Variants in MRRF observed in about 807,000 individuals in gnomAD.
MRRF encodes the protein ribosome-recycling factor, mitochondrial.
Under a neutral mutation model 25.1 loss-of-function variants are expected in MRRF, and 18 were observed. The observed-to-expected ratio is 0.72, with a 90% CI of 0.50 to 1.06. The LOEUF (loss-of-function observed/expected upper bound fraction) is 1.06. MRRF is among the 50% of genes least tolerant of loss of function. The pLI is 0.00. For missense variants in MRRF, 323 were observed against 319.3 expected, an observed-to-expected ratio of 1.01 and a Z score of -0.09; for synonymous variants, 113 against 112.1, an observed-to-expected ratio of 1.01 and a Z score of -0.05.
At chr9:122,291,249 A>T (rs1301915533) in intron 4 of MRRF, among the ~76,000 whole-genome samples, 1 of 152,232 alleles carries the variant, frequency 6.6e-6, no homozygotes. Context: ...ATACCAGCAG[A>T]GATTCATTGC....
intron 5 of MRRF, among the ~76,000 whole-genome samples, chr9:122,294,496 T>A (rs1833965508): frequency 6.6e-6 from 1 of 152,246 alleles, no homozygotes; most frequent in Admixed American, 6.5e-5. Context: ...AACCGTCTGC[T>A]CCTGCAAACC....
At chr9:122,284,540 G>T (rs1387814391) in intron 3 of MRRF, among the ~76,000 whole-genome samples, 1 of 152,178 alleles carries the variant, frequency 6.6e-6, no homozygotes, top group Non-Finnish European at 1.5e-5. Context: ...TTCATAGCAA[G>T]TAAATGACAG....
intron 4 of MRRF, among the ~76,000 whole-genome samples, chr9:122,287,060 A>G (rs1833460062): frequency 6.6e-6 from 1 of 152,158 alleles, no homozygotes; most frequent in African/African-American, 2.4e-5. Context: ...TGCTACTTAT[A>G]TTTTGGATCA....
intron 3 of MRRF, 52 bp from the exon 4 acceptor site, chr9:122,285,117 T>G: frequency 1.8e-6 from 2 of 1,122,486 alleles, no homozygotes; most frequent in African/African-American, 1.5e-5. Context: ...GACTTAGATT[T>G]GGGGCTACTA....
chr9:122,293,067 A>T lies in MRRF; in HGVS notation c.551+1227A>T, dbSNP rs142758666. Among the ~76,000 whole-genome samples the T allele has an allele frequency of 6.6e-5, 10 of 152,294 alleles. No homozygotes were observed. In the East Asian group the frequency reaches 1.9e-3, roughly 29 times the overall value. The stretch of plus-strand genomic sequence containing the variant: ...AGTTGCATAGGCACAGTAAATAAGT[A>T]CGTAATGGAATGTCAAGTGATAGTA... On this transcript the variant is annotated intron_variant, in intron 5 of 6. Coordinates refer to ENST00000344641, the MANE Select transcript of MRRF (RefSeq NM_138777.5).
chr9:122,302,884 A>G (rs975427000), intron 5 of MRRF, among the ~76,000 whole-genome samples: 1 of 152,144 alleles, frequency 6.6e-6, no homozygotes, highest in Non-Finnish European at 1.5e-5. Context: ...ACTTGTTATG[A>G]TTATCATCCT....
At chr9:122,274,243 T>C (rs1564472284) in intron 2 of MRRF, among the ~76,000 whole-genome samples, 2 of 152,238 alleles carry the variant, frequency 1.3e-5, no homozygotes, top group African/African-American at 4.8e-5. Context: ...CTTCAAATTA[T>C]ACCACAGAGC....
At position 122,271,063 on chromosome 9, in the gene MRRF, A is replaced by G. The variant is rs1436957164; in HGVS notation, c.172A>G (p.Lys58Glu). The change falls in exon 2 of 7, where the codon AAG (lysine) becomes GAG (glutamate). Residue 58 changes from lysine (K) to glutamate (E), a missense_variant. Lys to Glu is a moderately conservative substitution (Grantham distance 56). Transcript: ENST00000344641. ...TGTACCAGTCCGCCATTTTGCTACC[A>G]AGAAAGCCAAAGGTAGAGACATGTG... ...SAVPVRHFAT[K>E]KAKAKGKGQS... 2.5e-6 allele frequency: 4 copies of G among 1,614,148 alleles called. No individual in the cohort carries two copies. In the African/African-American group the frequency reaches 4.0e-5, roughly 16 times the overall value.
At chr9:122,280,704 T>C (rs1042878171) in intron 3 of MRRF, 106 bp downstream of exon 3, 2 of 1,065,570 alleles carry the variant, frequency 1.9e-6, no homozygotes, top group Non-Finnish European at 2.9e-6. Flanking sequence ...CTGGTGGCCA[T>C]GGGCAGTTAC....
chr9:122,285,732 A>T (rs1307696513), intron 4 of MRRF: 1 of 1,236,082 alleles, frequency 8.1e-7, no homozygotes, highest in Non-Finnish European at 1.0e-6. Context: ...TTTATGTGAC[A>T]TCTTTATTCT....
chr9:122,291,111 T>C (rs1319239042), intron 4 of MRRF, among the ~76,000 whole-genome samples: 2 of 152,260 alleles, frequency 1.3e-5, no homozygotes, highest in African/African-American at 2.4e-5. Flanking sequence ...TGATGAAATA[T>C]AGGTTCAGAG....
At position 122,327,140 on chromosome 9, in the gene MRRF, G is replaced by A. The variant is rs1406793873; in HGVS notation, c.*4523G>A. On this transcript the variant is annotated 3_prime_UTR_variant, in exon 7 of 7. Coordinates refer to ENST00000344641, the MANE Select transcript of MRRF (RefSeq NM_138777.5). ...TACCTGGCACATTGTAAACACCAAA[G>A]AAATGGTAGCTCTTATGGAGACAGT... 1.3e-5 allele frequency: 2 copies of A among 152,288 alleles called. No homozygotes were observed. Among genetic ancestry groups the A allele is most frequent in the East Asian group, 3.9e-4 (2 of 5,182 alleles). The allele number at this position is 152,288 out of a possible 1,614,324, so 9.4% of individuals were successfully genotyped here. A position where few individuals can be genotyped will look rare whatever the true frequency, so the allele number is the denominator to read the frequency against.
At chr9:122,297,748 G>C in intron 5 of MRRF, among the ~76,000 whole-genome samples, 1 of 152,188 alleles carries the variant, frequency 6.6e-6, no homozygotes, top group Non-Finnish European at 1.5e-5. Flanking sequence ...TCTTGCCCTT[G>C]ATTGAGTGCT....
chr9:122,284,035 A>G (rs1410793971), intron 3 of MRRF, among the ~76,000 whole-genome samples: 1 of 151,994 alleles, frequency 6.6e-6, no homozygotes, highest in Non-Finnish European at 1.5e-5. Context: ...AAGGGGATCT[A>G]AGTACCAAAA....
chr9:122,312,757 C>T (rs1220667934), intron 5 of MRRF, among the ~76,000 whole-genome samples: 2 of 152,230 alleles, frequency 1.3e-5, no homozygotes, highest in Admixed American at 1.3e-4. Flanking sequence ...TGTGATATGG[C>T]TTCCCAGCCT....
chr9:122,298,594 G>A (rs1834237171), intron 5 of MRRF, among the ~76,000 whole-genome samples: 1 of 152,140 alleles, frequency 6.6e-6, no homozygotes, highest in African/African-American at 2.4e-5. Flanking sequence ...CTGCTTTTAT[G>A]AGGATATAGA....
intron 2 of MRRF, among the ~76,000 whole-genome samples, chr9:122,274,350 G>A (rs1832643769): frequency 6.6e-6 from 1 of 152,114 alleles, no homozygotes; most frequent in Non-Finnish European, 1.5e-5. Context: ...CTGAGACTGG[G>A]TAATTTATAA....
At chr9:122,293,625 G>A (rs1035777041) in intron 5 of MRRF, among the ~76,000 whole-genome samples, 10 of 152,200 alleles carry the variant, frequency 6.6e-5, no homozygotes, top group Non-Finnish European at 1.5e-4. Flanking sequence ...TAACGTTTAA[G>A]AAGCAGATAG....
intron 5 of MRRF, among the ~76,000 whole-genome samples, chr9:122,304,062 A>AACACACACACAC (rs66775611): frequency 9.8e-4 from 137 of 139,882 alleles, no homozygotes; most frequent in Middle Eastern, 7.5e-3. Flanking sequence ...ACCCTTTTCT[A>AACACACACACAC]ACACACACAC....
Sources: allele counts gnomAD v4.1 joint callset (sites outside exome capture counted in the v4.1 genomes callset), GRCh38; gene constraint gnomAD v4.1.1; transcripts MANE v1.5; gene names NCBI Gene and HGNC (gene_info 2026-07-23, HGNC 2026-07-21).